Variants in FILIP1L observed in about 807,000 individuals in gnomAD.
The protein encoded by FILIP1L is filamin A interacting protein 1 like, also known as filamin A-interacting protein 1-like.
A neutral mutation model predicts 96.6 loss-of-function variants in FILIP1L; 55 were observed. That is an observed-to-expected ratio of 0.57 (90% CI 0.46 to 0.71). The LOEUF (loss-of-function observed/expected upper bound fraction) is 0.71. Among genes scored for constraint, FILIP1L ranks in the 30% least tolerant of loss-of-function variants. The pLI is 0.00. For synonymous variants in FILIP1L, 467 were observed against 473.9 expected, an observed-to-expected ratio of 0.99 and a Z score of 0.19; for missense variants, 1,304 against 1,321.2, an observed-to-expected ratio of 0.99 and a Z score of 0.20.
intron 1 of FILIP1L, among the ~76,000 whole-genome samples, chr3:100,075,878 A>T (rs980388638): frequency 6.6e-6 from 1 of 152,208 alleles, no homozygotes. Context: ...TCTTGAGCTA[A>T]TCCTTCTGGG....
At chr3:99,902,824 A>G (rs1162842779) in intron 4 of FILIP1L, among the ~76,000 whole-genome samples, 1 of 152,216 alleles carries the variant, frequency 6.6e-6, no homozygotes, top group Non-Finnish European at 1.5e-5. Flanking sequence ...GTAATGGGGT[A>G]ACTTCCATGT....
At chr3:100,056,122 G>A (rs1253579399) in intron 1 of FILIP1L, among the ~76,000 whole-genome samples, 4 of 152,294 alleles carry the variant, frequency 2.6e-5, no homozygotes, top group African/African-American at 9.6e-5. Flanking sequence ...CTGAAGGGAA[G>A]GGAAGGCAGG....
chr3:100,003,649 G>A (rs1709906585), intron 1 of FILIP1L, among the ~76,000 whole-genome samples: 1 of 151,968 alleles, frequency 6.6e-6, no homozygotes, highest in African/African-American at 2.4e-5. Context: ...GTGTACTCGA[G>A]AAGTTTTTGC....
At chr3:100,060,589 T>C (rs1400363361) in intron 1 of FILIP1L, among the ~76,000 whole-genome samples, 1 of 152,088 alleles carries the variant, frequency 6.6e-6, no homozygotes, top group Non-Finnish European at 1.5e-5. Flanking sequence ...GCGCAGTGGC[T>C]CACACCTGTA....
At chr3:100,089,534 T>C (rs1385058260) in intron 1 of FILIP1L, among the ~76,000 whole-genome samples, 5 of 152,160 alleles carry the variant, frequency 3.3e-5, no homozygotes, top group African/African-American at 9.7e-5. Flanking sequence ...CAAAGCCTCA[T>C]GTCAAGCAAA....
intron 1 of FILIP1L, among the ~76,000 whole-genome samples, chr3:99,981,059 C>T (rs1318859929): frequency 6.6e-6 from 1 of 152,082 alleles, no homozygotes; most frequent in East Asian, 1.9e-4. Context: ...AGGGAAGAGG[C>T]AAAGGTTTTA....
intron 1 of FILIP1L, among the ~76,000 whole-genome samples, chr3:100,024,678 G>A (rs1433459265): frequency 1.3e-5 from 2 of 152,320 alleles, no homozygotes; most frequent in African/African-American, 4.8e-5. Context: ...ATACTAGTGA[G>A]TGACCTTCTA....
intron 1 of FILIP1L, among the ~76,000 whole-genome samples, chr3:100,094,374 C>G (rs35885423): frequency 0.18 from 27,618 of 152,010 alleles, 2,896 homozygotes; most frequent in South Asian, 0.25. Flanking sequence ...CTCCCAATAT[C>G]AAGATATTAT....
intron 4 of FILIP1L, among the ~76,000 whole-genome samples, chr3:99,885,384 T>A (rs1203185347): frequency 6.6e-6 from 1 of 152,236 alleles, no homozygotes; most frequent in Non-Finnish European, 1.5e-5. Context: ...TACAAACTTA[T>A]CTTATTATTG....
chr3:99,949,753 C>A (rs1708121377), intron 1 of FILIP1L, among the ~76,000 whole-genome samples: 1 of 152,262 alleles, frequency 6.6e-6, no homozygotes, highest in Non-Finnish European at 1.5e-5. Flanking sequence ...CATTATGTAT[C>A]TAAAGTAGAA....
rs962557650 is a variant in FILIP1L, at chr3:99,930,347, C to A, written c.253-318G>T. ...TTTTCAGGGGGTAGGAAATAAAATT[C>A]TCCTATATGTGTACCAGCTGTTTTT... On this transcript the variant is annotated intron_variant, in intron 2 of 5. Coordinates refer to ENST00000477258, the MANE Select transcript of FILIP1L (RefSeq NM_001387850.1). 3.9e-5 allele frequency among the ~76,000 whole-genome samples: 6 copies of A among 152,228 alleles called. No homozygotes were observed. In the East Asian group the frequency reaches 9.7e-4, roughly 25 times the overall value.
chr3:99,994,422 C>G (rs1709613051), intron 1 of FILIP1L, among the ~76,000 whole-genome samples: 1 of 152,168 alleles, frequency 6.6e-6, no homozygotes, highest in South Asian at 2.1e-4. Flanking sequence ...TTACCAGTAA[C>G]TACAGAACAT....
In FILIP1L at chr3:100,050,967, C is replaced by T. The variant is rs148872054; in HGVS notation, c.-11+63086G>A. Among the ~76,000 whole-genome samples, 834 of 152,332 alleles carry T rather than the reference C, an allele frequency of 5.5e-3. 3 individuals carry two copies. Among genetic ancestry groups the T allele is most frequent in the African/African-American group, 0.019 (796 of 41,566 alleles). Reference sequence around the variant, plus strand: ...CCAAAAGTCAGCTCTATAATGCCCTCTACCAAACTATTTTCACATGTTTTA... The same window carrying T: ...CCAAAAGTCAGCTCTATAATGCCCTTTACCAAACTATTTTCACATGTTTTA... On this transcript the variant is annotated intron_variant, in intron 1 of 5. Coordinates refer to ENST00000477258, the MANE Select transcript of FILIP1L (RefSeq NM_001387850.1).
Position 99,850,758 on chromosome 3 carries a change from T to G in FILIP1L, c.918A>C (p.Gln306His). 6 of 1,614,220 alleles carry G rather than the reference T, an allele frequency of 3.7e-6. No homozygotes were observed. Among genetic ancestry groups the G allele is most frequent in the Non-Finnish European group, 5.1e-6 (6 of 1,180,030 alleles). Residue 306 changes from glutamine (Q) to histidine (H), a missense_variant, in exon 5 of 6, where the codon CAA (glutamine) becomes CAC (histidine). By Grantham distance (24) the Gln-to-His change is conservative (BLOSUM62 0). Transcript: ENST00000477258. The stretch of plus-strand genomic sequence containing the variant: ...TGGTGAGCTTCGCCATAATTGTGTC[T>G]TGGTCTTGGTGAAACTTTGTGGTCT... The part of the protein sequence containing the change: ...QTQTTKFHQD[Q>H]DTIMAKLTNE...
At chr3:99,970,636 C>T (rs1211134312) in intron 1 of FILIP1L, among the ~76,000 whole-genome samples, 1 of 152,060 alleles carries the variant, frequency 6.6e-6, no homozygotes, top group Non-Finnish European at 1.5e-5. Flanking sequence ...TACAGGGTCA[C>T]AAGAGTTTAA....
Position 99,975,064 on chromosome 3 carries a change from AG to A in FILIP1L, c.-10-44035del, listed in dbSNP as rs564870687. On this transcript the variant is annotated intron_variant, in intron 1 of 5. Transcript: ENST00000477258. ...AACTCTGAGTGACTGCTAATGTTCC[AG>A]GAACTATACTGAGCATCTTAGATTA... 4.6e-3 allele frequency among the ~76,000 whole-genome samples: 707 copies of A among 152,354 alleles called. 2 individuals are homozygous for A. The highest frequency in any genetic ancestry group is 7.0e-3 in the South Asian group (34 of 4,832).
intron 1 of FILIP1L, among the ~76,000 whole-genome samples, chr3:100,097,288 G>C (rs1044355811): frequency 1.3e-5 from 2 of 152,182 alleles, no homozygotes; most frequent in African/African-American, 2.4e-5. Context: ...ACCAGTCCCT[G>C]GTGCCTAAAA....
chr3:99,969,610 TGGTTTTCC>T (rs1708755343), intron 1 of FILIP1L, among the ~76,000 whole-genome samples: 1 of 152,148 alleles, frequency 6.6e-6, no homozygotes, highest in Non-Finnish European at 1.5e-5. Context: ...CAAGGAACTA[TGGTTTTCC>T]AGAGATTGGA....
chr3:99,847,121 A>G (rs557755983), intron 5 of FILIP1L, among the ~76,000 whole-genome samples: 1 of 152,252 alleles, frequency 6.6e-6, no homozygotes, highest in South Asian at 2.1e-4. Context: ...ACTTCTTTCA[A>G]CTAACATACT....
Sources: gnomAD v4.1 joint callset for allele counts (sites outside exome capture counted in the v4.1 genomes callset) on GRCh38, gnomAD v4.1.1 for gene constraint, MANE v1.5 for transcripts, NCBI Gene and HGNC (gene_info 2026-07-23, HGNC 2026-07-21) for gene names.